SOX11: variants seen among roughly 807,000 people sequenced by gnomAD.
SOX11 encodes the protein SRY-box transcription factor 11, also known as transcription factor SOX-11.
In SOX11, 5 loss-of-function variants were observed where a neutral mutation model predicts 16.7. The ratio of observed to expected loss-of-function variants is 0.30; its 90% confidence interval spans 0.16 to 0.63. The LOEUF is 0.63. Ranked by LOEUF, SOX11 falls within the 20% of genes least tolerant of loss-of-function variation. SOX11 has a pLI of 0.82. For synonymous variants in SOX11, 363 were observed against 298.8 expected (o/e 1.21, Z -2.22); for missense variants, 492 against 641.5 (o/e 0.77, Z 2.52).
In SOX11 at chr2:5,700,963, C is replaced by T. The variant is rs1665827689; in HGVS notation, c.*6916C>T. The stretch of plus-strand genomic sequence containing the variant: ...TTAGAGTTTGCATGCCAGCGCACGG[C>T]CTATTGCTGTGAAACAGAGAGAAGG... On this transcript the variant is annotated 3_prime_UTR_variant, in exon 1 of 1. Coordinates refer to ENST00000322002, the MANE Select transcript of SOX11 (RefSeq NM_003108.4). 1 of 166,696 alleles carries T rather than the reference C, an allele frequency of 6.0e-6. No homozygotes were observed. Among genetic ancestry groups the T allele is most frequent in the African/African-American group, 2.4e-5 (1 of 41,330 alleles). 10.3% of individuals were successfully genotyped at this position (166,696 alleles called of 1,614,324 possible).
rs1665687306 is a variant in SOX11, at chr2:5,694,092, G to T, written c.*45G>T. The T allele has an allele frequency of 6.7e-7, 1 of 1,503,664 alleles. No individual in the cohort carries two copies. The highest frequency in any genetic ancestry group is 1.4e-5 in the African/African-American group (1 of 70,800). 93.1% of individuals were successfully genotyped at this position (1,503,664 alleles called of 1,614,324 possible). On this transcript the variant is annotated 3_prime_UTR_variant, in exon 1 of 1. Transcript: ENST00000322002. ...CTTTCTCTCGGAGGGTGCAGAGCTG[G>T]GTTCCTTGGGAGGAAGTTGTAGTGG...
chr2:5,693,405 C>A lies in SOX11; in HGVS notation c.684C>A (p.Asp228Glu), dbSNP rs764724459. ...KCVFLDEDDD[D>E]DDDDDELQLQ... ...TGTTTCTGGATGAGGACGACGACGA[C>A]GACGACGACGACGACGAGCTGCAGC... Residue 228 changes from aspartate to glutamate, a missense_variant, in exon 1 of 1, where the codon GAC (aspartate) becomes GAA (glutamate). Around this residue, in one of 4 missense-constraint regions of SOX11, gnomAD observed 389 missense variants for 389.0 expected, o/e 1.00. Coordinates refer to ENST00000322002, the MANE Select transcript of SOX11 (RefSeq NM_003108.4). The surrounding 1 kb of genome is among the most constrained non-coding windows in gnomAD (Gnocchi z 8.6). 9 of 1,589,438 alleles carry A rather than the reference C, an allele frequency of 5.7e-6. No homozygotes were observed. Among genetic ancestry groups the A allele is most frequent in the Non-Finnish European group, 6.8e-6 (8 of 1,176,238 alleles).
At position 5,692,399 on chromosome 2, in the gene SOX11, G is replaced by C. The variant is rs938430875; in HGVS notation, c.-323G>C. ...TCAACTTTTTGCAGAAGGAGCGCGC[G>C]CGCCTGGGAGAGCTCGGGGTCCGGC... is the stretch of plus-strand genomic sequence containing the variant. On this transcript the variant is annotated 5_prime_UTR_variant, in exon 1 of 1. Coordinates refer to ENST00000322002, the MANE Select transcript of SOX11 (RefSeq NM_003108.4). Among the ~76,000 whole-genome samples the C allele has an allele frequency of 2.0e-5, 3 of 152,056 alleles. No individual in the cohort carries two copies. The highest frequency in any genetic ancestry group is 7.2e-5 in the African/African-American group (3 of 41,430).
At position 5,701,206 on chromosome 2, in the gene SOX11, A is replaced by G. The variant is rs996626775; in HGVS notation, c.*7159A>G. ...TTGTAAAAACCTGATCACATAGAGAATATCAGTGGCTTGTGCTTGTGCTTC... is the reference window on the plus strand; with the variant it reads ...TTGTAAAAACCTGATCACATAGAGAGTATCAGTGGCTTGTGCTTGTGCTTC... On this transcript the variant is annotated 3_prime_UTR_variant, in exon 1 of 1. Transcript: ENST00000322002. 2 of 167,064 alleles carry G rather than the reference A, an allele frequency of 1.2e-5. No individual in the cohort carries two copies. The highest frequency in any genetic ancestry group is 4.8e-5 in the African/African-American group (2 of 41,434). The allele number at this position is 167,064 out of a possible 1,614,324, so 10.3% of individuals were successfully genotyped here.
Position 5,693,100 on chromosome 2 carries a change from G to T in SOX11, c.379G>T (p.Asp127Tyr). The change falls in exon 1 of 1, where the codon GAC (aspartate) becomes TAC (tyrosine). Residue 127 changes from aspartate (D) to tyrosine (Y), a missense_variant. This residue lies in a region of SOX11 where 389 missense variants were observed against 389.0 expected (regional missense o/e 1.00). Transcript: ENST00000322002. The surrounding 1 kb of genome is among the most constrained non-coding windows in gnomAD (Gnocchi z 8.6). The stretch of plus-strand genomic sequence containing the variant: ...CCGGCCCCGGAAAAAGCCCAAAATG[G>T]ACCCCTCGGCCAAGCCCAGCGCCAG... ...KYRPRKKPKM[D>Y]PSAKPSASQS... is the part of the protein sequence containing the mutation. The T allele has an allele frequency of 6.2e-7, 1 of 1,613,520 alleles. No individual in the cohort carries two copies. Among genetic ancestry groups the T allele is most frequent in the Non-Finnish European group, 8.5e-7 (1 of 1,179,934 alleles).
chr2:5,692,449 G>C lies in SOX11; in HGVS notation c.-273G>C, dbSNP rs1365904058. On this transcript the variant is annotated 5_prime_UTR_variant, in exon 1 of 1. Transcript: ENST00000322002. ...CGCTTGCGGTAGGAGCCACGAGCCG[G>C]AGAGAGGGGTCCCGGGCTGCCTCGA... 6.6e-6 allele frequency among the ~76,000 whole-genome samples: 1 copy of C among 152,048 alleles called. No individual in the cohort carries two copies. Among genetic ancestry groups the C allele is most frequent in the Non-Finnish European group, 1.5e-5 (1 of 68,004 alleles).
In SOX11 at chr2:5,699,455, A is replaced by C. The variant is rs1276467509; in HGVS notation, c.*5408A>C. 1 of 166,784 alleles carries C rather than the reference A, an allele frequency of 6.0e-6. No homozygotes were observed. The highest frequency in any genetic ancestry group is 1.5e-5 in the Non-Finnish European group (1 of 68,048). The allele number at this position is 166,784 out of a possible 1,614,324, so 10.3% of individuals were successfully genotyped here. A position where few individuals can be genotyped will look rare whatever the true frequency, so the allele number is the denominator to read the frequency against. On this transcript the variant is annotated 3_prime_UTR_variant, in exon 1 of 1. Coordinates refer to ENST00000322002, the MANE Select transcript of SOX11 (RefSeq NM_003108.4). ...TTCCCAAAGTAACCGTCTCCATGTAACTCTTGACATACTTTTCTGAGATTT... is the reference window on the plus strand; with the variant it reads ...TTCCCAAAGTAACCGTCTCCATGTACCTCTTGACATACTTTTCTGAGATTT...
In SOX11 at chr2:5,693,510, G is replaced by C. The variant is rs746501349; in HGVS notation, c.789G>C (p.Pro263=). The part of the protein sequence containing the change: ...QQLLQPPGQQ[P]SQLLRRYNVA... The stretch of plus-strand genomic sequence containing the variant: ...TCCTGCAGCCGCCGGGGCAGCAGCC[G>C]TCGCAGCTGCTGAGACGCTACAACG... The change falls in exon 1 of 1, where the codon CCG becomes CCC. Residue 263 remains proline, a synonymous_variant. Coordinates refer to ENST00000322002, the MANE Select transcript of SOX11 (RefSeq NM_003108.4). The surrounding 1 kb of genome is among the most constrained non-coding windows in gnomAD (Gnocchi z 8.6). The C allele has an allele frequency of 1.8e-5, 28 of 1,575,868 alleles. No homozygotes were observed. The highest frequency in any genetic ancestry group is 2.3e-5 in the Non-Finnish European group (27 of 1,168,464).
Position 5,698,822 on chromosome 2 carries a change from ATTT to A in SOX11, c.*4778_*4780del, listed in dbSNP as rs1308948896. ...GAAAAAGACTCAAAAGACAAGACTTATTTTTCTCTTCTGGGACTTGAAATCATA... is the reference window on the plus strand; with the variant it reads ...GAAAAAGACTCAAAAGACAAGACTTATTCTCTTCTGGGACTTGAAATCATA... On this transcript the variant is annotated 3_prime_UTR_variant, in exon 1 of 1. Transcript: ENST00000322002. 6.0e-6 allele frequency: 1 copy of A among 167,030 alleles called. No individual in the cohort carries two copies. Among genetic ancestry groups the A allele is most frequent in the African/African-American group, 2.4e-5 (1 of 41,458 alleles). The allele number at this position is 167,030 out of a possible 1,614,324, so 10.3% of individuals were successfully genotyped here. A position where few individuals can be genotyped will look rare whatever the true frequency, so the allele number is the denominator to read the frequency against.
At position 5,692,527 on chromosome 2, in the gene SOX11, G is replaced by A; in HGVS notation, c.-195G>A. On this transcript the variant is annotated 5_prime_UTR_variant, in exon 1 of 1. Coordinates refer to ENST00000322002, the MANE Select transcript of SOX11 (RefSeq NM_003108.4). ...CGACCGCAGCTCCCACCGCGCCGGCGGCCGTCGTCGCCGAAGCCACCACAG... is the reference window on the plus strand; with the variant it reads ...CGACCGCAGCTCCCACCGCGCCGGCAGCCGTCGTCGCCGAAGCCACCACAG... 1 of 465,492 alleles carries A rather than the reference G, an allele frequency of 2.1e-6. No individual in the cohort carries two copies. Among genetic ancestry groups the A allele is most frequent in the Non-Finnish European group, 3.6e-6 (1 of 275,002 alleles). The allele number at this position is 465,492 out of a possible 1,614,324, so 28.8% of individuals were successfully genotyped here.
Position 5,694,057 on chromosome 2 carries a change from G to T in SOX11, c.*10G>T. Reference sequence around the variant, plus strand: ...GGTGTTCACATATTGAAAGGCGCCCGCTGCTCGCTCTTTCTCTCGGAGGGT... The same window carrying T: ...GGTGTTCACATATTGAAAGGCGCCCTCTGCTCGCTCTTTCTCTCGGAGGGT... On this transcript the variant is annotated 3_prime_UTR_variant, in exon 1 of 1. Transcript: ENST00000322002. 1.3e-6 allele frequency: 2 copies of T among 1,545,200 alleles called. No homozygotes were observed. Among genetic ancestry groups the T allele is most frequent in the Non-Finnish European group, 1.7e-6 (2 of 1,143,702 alleles).
rs1368650084 is a variant in SOX11, at chr2:5,696,112, C to A, written c.*2065C>A. ...CGCCTTTGGCAGCGAGCGCTCGGGG[C>A]ACTTCTATCCCCGCCTCTCAAAGGG... On this transcript the variant is annotated 3_prime_UTR_variant, in exon 1 of 1. Transcript: ENST00000322002. 2 of 166,946 alleles carry A rather than the reference C, an allele frequency of 1.2e-5. No homozygotes were observed. Among genetic ancestry groups the A allele is most frequent in the African/African-American group, 4.8e-5 (2 of 41,470 alleles). The allele number at this position is 166,946 out of a possible 1,614,324, so 10.3% of individuals were successfully genotyped here. A position where few individuals can be genotyped will look rare whatever the true frequency, so the allele number is the denominator to read the frequency against.
At position 5,697,886 on chromosome 2, in the gene SOX11, T is replaced by C. The variant is rs1244073911; in HGVS notation, c.*3839T>C. 1 of 167,130 alleles carries C rather than the reference T, an allele frequency of 6.0e-6. No individual in the cohort carries two copies. The highest frequency in any genetic ancestry group is 2.4e-5 in the African/African-American group (1 of 41,464). The allele number at this position is 167,130 out of a possible 1,614,324, so 10.4% of individuals were successfully genotyped here. On this transcript the variant is annotated 3_prime_UTR_variant, in exon 1 of 1. Coordinates refer to ENST00000322002, the MANE Select transcript of SOX11 (RefSeq NM_003108.4). ...GTAAACCCATTGATAGGCTGATCTA[T>C]GTATTTTGAAAGCCTGAAAACTTGG...
Position 5,692,949 on chromosome 2 carries a change from C to T in SOX11, c.228C>T (p.Asn76=), listed in dbSNP as rs1466500046. The change falls in exon 1 of 1, where the codon AAC becomes AAT. Residue 76 remains asparagine (N), a synonymous_variant. Transcript: ENST00000322002. ...TGGAGCAGTCTCCGGACATGCACAA[C>T]GCCGAGATCTCCAAGAGGCTGGGCA... is the stretch of plus-strand genomic sequence containing the variant. ...KIMEQSPDMH[N]AEISKRLGKR... is the part of the protein sequence containing the mutation. 1 of 1,614,006 alleles carries T rather than the reference C, an allele frequency of 6.2e-7. No homozygotes were observed. The highest frequency in any genetic ancestry group is 8.5e-7 in the Non-Finnish European group (1 of 1,180,030).
At position 5,694,838 on chromosome 2, in the gene SOX11, A is replaced by G. The variant is rs1406243894; in HGVS notation, c.*791A>G. 3.0e-5 allele frequency: 5 copies of G among 165,196 alleles called. No homozygotes were observed. Among genetic ancestry groups the G allele is most frequent in the African/African-American group, 7.3e-5 (3 of 41,294 alleles). 10.2% of individuals were successfully genotyped at this position (165,196 alleles called of 1,614,324 possible). On this transcript the variant is annotated 3_prime_UTR_variant, in exon 1 of 1. Coordinates refer to ENST00000322002, the MANE Select transcript of SOX11 (RefSeq NM_003108.4). Reference sequence around the variant, plus strand: ...AGATCAGAGTTTACTTTTCAGATCAAATTGTTTATGGTTTTACAAATGTGA... The same window carrying G: ...AGATCAGAGTTTACTTTTCAGATCAGATTGTTTATGGTTTTACAAATGTGA...
chr2:5,692,771 A>G lies in SOX11; in HGVS notation c.50A>G (p.Glu17Gly). ...SLEAESNLPR[E>G]ALDTEEGEFM... ...GAAGCGGAGAGCAACCTGCCCCGGGAGGCGCTGGACACGGAGGAGGGCGAA... is the reference window on the plus strand; with the variant it reads ...GAAGCGGAGAGCAACCTGCCCCGGGGGGCGCTGGACACGGAGGAGGGCGAA... Residue 17 changes from glutamate to glycine, a missense_variant, in exon 1 of 1, where the codon GAG (glutamate) becomes GGG (glycine). Transcript: ENST00000322002. 6.2e-7 allele frequency: 1 copy of G among 1,610,542 alleles called. No individual in the cohort carries two copies. The highest frequency in any genetic ancestry group is 8.5e-7 in the Non-Finnish European group (1 of 1,177,794).
Position 5,701,299 on chromosome 2 carries a change from A to G in SOX11, c.*7252A>G, listed in dbSNP as rs1665837383. On this transcript the variant is annotated 3_prime_UTR_variant, in exon 1 of 1. Coordinates refer to ENST00000322002, the MANE Select transcript of SOX11 (RefSeq NM_003108.4). ...GTTAATGCTCAGGGTTGAAAATAGT[A>G]CACTCCAATGTCTCTTTTGCAAGAG... 1 of 166,988 alleles carries G rather than the reference A, an allele frequency of 6.0e-6. No individual in the cohort carries two copies. The highest frequency in any genetic ancestry group is 2.4e-5 in the African/African-American group (1 of 41,414). The allele number at this position is 166,988 out of a possible 1,614,324, so 10.3% of individuals were successfully genotyped here.
rs566699443 is a variant in SOX11, at chr2:5,700,212, T to C, written c.*6165T>C. On this transcript the variant is annotated 3_prime_UTR_variant, in exon 1 of 1. Coordinates refer to ENST00000322002, the MANE Select transcript of SOX11 (RefSeq NM_003108.4). ...AATTTAAGCAACCTGGATGTGCATA[T>C]GTGGAGGCTCCCGTCTCACTGTTTG... The C allele has an allele frequency of 1.2e-5, 2 of 167,080 alleles. No homozygotes were observed. Among genetic ancestry groups the C allele is most frequent in the Non-Finnish European group, 2.9e-5 (2 of 68,122 alleles). 10.3% of individuals were successfully genotyped at this position (167,080 alleles called of 1,614,324 possible). A position where few individuals can be genotyped will look rare whatever the true frequency, so the allele number is the denominator to read the frequency against.
At position 5,697,530 on chromosome 2, in the gene SOX11, C is replaced by T. The variant is rs1364953239; in HGVS notation, c.*3483C>T. The T allele has an allele frequency of 6.0e-6, 1 of 166,584 alleles. No individual in the cohort carries two copies. Among genetic ancestry groups the T allele is most frequent in the Non-Finnish European group, 1.5e-5 (1 of 68,120 alleles). 10.3% of individuals were successfully genotyped at this position (166,584 alleles called of 1,614,324 possible). A position where few individuals can be genotyped will look rare whatever the true frequency, so the allele number is the denominator to read the frequency against. Reference sequence around the variant, plus strand: ...CTGGGCGAGCCTCCTCCCCAGCCCCCACCCCTGGGATGCGAAGCCAGCAAG... The same window carrying T: ...CTGGGCGAGCCTCCTCCCCAGCCCCTACCCCTGGGATGCGAAGCCAGCAAG... On this transcript the variant is annotated 3_prime_UTR_variant, in exon 1 of 1. Transcript: ENST00000322002.
Sources: gnomAD v4.1 joint callset for allele counts (sites outside exome capture counted in the v4.1 genomes callset) on GRCh38, gnomAD v4.1.1 for gene constraint, gnomAD v4.1.1 regional missense constraint, Gnocchi (gnomAD v3.1) non-coding constraint, MANE v1.5 for transcripts, NCBI Gene and HGNC (gene_info 2026-07-23, HGNC 2026-07-21) for gene names.